The following MBIP variants were observed in gnomAD, a reference collection of about 807,000 sequenced individuals.
The protein encoded by MBIP is MAP3K12-binding inhibitory protein 1.
Under a neutral mutation model 45.7 loss-of-function variants are expected in MBIP, and 32 were observed. That is an observed-to-expected ratio of 0.70 (90% CI 0.53 to 0.94). The LOEUF (loss-of-function observed/expected upper bound fraction) is 0.94. MBIP is among the 40% of genes least tolerant of loss of function. MBIP has a pLI of 0.00. For missense variants in MBIP, 381 were observed against 405.5 expected, an observed-to-expected ratio of 0.94 and a Z score of 0.52; for synonymous variants, 145 against 141.0, an observed-to-expected ratio of 1.03 and a Z score of -0.20.
rs28372966 is a variant in MBIP at position 36,320,607 on chromosome 14, C to CCCACCA, written c.-25_-20dup. On this transcript the variant is annotated 5_prime_UTR_variant, in exon 1 of 9. Transcript: ENST00000416007. ...CAGCCATGATATCTTCTCAGGCCGC[C>CCCACCA]CCACCACCACCACCACCAAGATTTG... 57 of 1,549,024 alleles carry CCCACCA rather than the reference C, an allele frequency of 3.7e-5. 1 individual carries two copies. The highest frequency in any genetic ancestry group is 2.5e-4 in the South Asian group (21 of 85,036).
At chr14:36,305,882 T>G (rs1879844102) in intron 7 of MBIP, among the ~76,000 whole-genome samples, 1 of 152,182 alleles carries the variant, frequency 6.6e-6, no homozygotes, top group South Asian at 2.1e-4. Context: ...TTTGTCCATT[T>G]TTTTTCCTAC....
rs758055987 is a variant in MBIP at position 36,314,533 on chromosome 14, T to C, written c.550A>G (p.Asn184Asp). The C allele has an allele frequency of 6.2e-7, 1 of 1,609,722 alleles. No homozygotes were observed. The highest frequency in any genetic ancestry group is 8.5e-7 in the Non-Finnish European group (1 of 1,178,250). The change falls in exon 4 of 9, where the codon AAT becomes GAT. Residue 184 changes from asparagine (N) to aspartate (D), a missense_variant. By Grantham distance (23) the Asn-to-Asp change is conservative. Coordinates refer to ENST00000416007, the MANE Select transcript of MBIP (RefSeq NM_016586.3). ...INENNVREFCNVIDCNQENSC... is the reference protein window; with the variant it reads ...INENNVREFCDVIDCNQENSC... ...TTACCTTGATTACAATCAATAACAT[T>C]GCAAAATTCCCTGACGTTGTTTTCA...
At chr14:36,317,236 A>G (rs1379716112) in intron 1 of MBIP, among the ~76,000 whole-genome samples, 1 of 152,172 alleles carries the variant, frequency 6.6e-6, no homozygotes, top group African/African-American at 2.4e-5. Context: ...GAAAGTTTTA[A>G]CATGCATCTT....
Position 36,316,743 on chromosome 14 carries a change from G to A in MBIP, c.199C>T (p.Gln67Ter). 1 of 1,612,864 alleles carries A rather than the reference G, an allele frequency of 6.2e-7. No individual in the cohort carries two copies. Among genetic ancestry groups the A allele is most frequent in the Non-Finnish European group, 8.5e-7 (1 of 1,179,190 alleles). The change falls in exon 2 of 9, where the codon CAG (glutamine) becomes TAG (stop). Residue 67 changes from glutamine to a stop codon, truncating the protein, a stop_gained. Coordinates refer to ENST00000416007, the MANE Select transcript of MBIP (RefSeq NM_016586.3). LOFTEE classifies it high-confidence loss of function. ...AGTGCACTAAAGAGCAATGCAGGCTGGAATGCCGAGAGGCTCTGGAGCTTG... is the reference window on the plus strand; with the variant it reads ...AGTGCACTAAAGAGCAATGCAGGCTAGAATGCCGAGAGGCTCTGGAGCTTG... ...WNKLQSLSAF[Q>*]PALLFSALEQ...
At chr14:36,308,052 A>G (rs757677782) in intron 7 of MBIP, 40 bp downstream of exon 7, 18 of 1,102,926 alleles carry the variant, frequency 1.6e-5, no homozygotes, top group Middle Eastern at 2.0e-4. Flanking sequence ...CCAGAATACA[A>G]TAACATTTTC....
In MBIP at chr14:36,316,954, C is replaced by G. The variant is rs1173431078; in HGVS notation, c.130-142G>C. The G allele has an allele frequency of 2.7e-5, 21 of 763,914 alleles. No homozygotes were observed. In the South Asian group the frequency reaches 5.1e-4, roughly 19 times the overall value. The allele number at this position is 763,914 out of a possible 1,614,324, so 47.3% of individuals were successfully genotyped here. A position where few individuals can be genotyped will look rare whatever the true frequency, so the allele number is the denominator to read the frequency against. ...GTTTTTAATAATACACTGAAATGCT[C>G]TACCCAGTTACCATTTCAAAAGGCC... On this transcript the variant is annotated intron_variant, in intron 1 of 8. Transcript: ENST00000416007.
In MBIP at chr14:36,300,851, T is replaced by A; in HGVS notation, c.889-28A>T. The A allele has an allele frequency of 1.5e-6, 2 of 1,339,376 alleles. 1 individual carries two copies. The highest frequency in any genetic ancestry group is 2.1e-6 in the Non-Finnish European group (2 of 964,932). The allele number at this position is 1,339,376 out of a possible 1,614,324, so 83.0% of individuals were successfully genotyped here. On this transcript the variant is annotated intron_variant, in intron 7 of 8. Transcript: ENST00000416007. ...AGATTAAAAAAAAAAAGGTAATGTT[T>A]AGAAAAATCTAAGCATCATTTTTTT...
intron 4 of MBIP, chr14:36,313,289 C>T (rs1282806250): frequency 2.6e-5 from 4 of 152,032 alleles, no homozygotes; most frequent in African/African-American, 9.7e-5. Context: ...GATTAACTGA[C>T]CATCAGTGAG....
At chr14:36,319,777 G>A (rs1880779031) in intron 1 of MBIP, 2 of 178,796 alleles carry the variant, frequency 1.1e-5, no homozygotes. Flanking sequence ...ACAGTGACTT[G>A]ATCGAAGAAG....
At chr14:36,316,053 A>G (rs913040376) in intron 2 of MBIP, among the ~76,000 whole-genome samples, 1 of 152,162 alleles carries the variant, frequency 6.6e-6, no homozygotes, top group Non-Finnish European at 1.5e-5. Context: ...GCAAGGTCAT[A>G]ATACTGTTCA....
At chr14:36,307,292 C>G (rs1244050758) in intron 7 of MBIP, among the ~76,000 whole-genome samples, 1 of 152,068 alleles carries the variant, frequency 6.6e-6, no homozygotes, top group Non-Finnish European at 1.5e-5. Flanking sequence ...TATATTTTCA[C>G]CACTAACTTA....
At chr14:36,302,764 G>A (rs897321844) in intron 7 of MBIP, among the ~76,000 whole-genome samples, 1 of 152,142 alleles carries the variant, frequency 6.6e-6, no homozygotes, top group Non-Finnish European at 1.5e-5. Context: ...GGATACACTA[G>A]ATTAACTTTA....
At chr14:36,311,919 CT>C in intron 5 of MBIP, 39 bp downstream of exon 5, 1 of 1,447,004 alleles carries the variant, frequency 6.9e-7, no homozygotes. Context: ...ATAATCTAGA[CT>C]TCTGTCAGTG....
chr14:36,306,312 T>A (rs1879875577), intron 7 of MBIP, among the ~76,000 whole-genome samples: 1 of 152,178 alleles, frequency 6.6e-6, no homozygotes, highest in Non-Finnish European at 1.5e-5. Context: ...TGGAGTGCAA[T>A]GGCGTGATCT....
chr14:36,300,288 A>G (rs970752931), intron 8 of MBIP, among the ~76,000 whole-genome samples: 4 of 152,220 alleles, frequency 2.6e-5, no homozygotes, highest in Non-Finnish European at 5.9e-5. Flanking sequence ...AGAAAAAAAT[A>G]TGCTACTCTT....
At chr14:36,304,131 T>C (rs1265816860) in intron 7 of MBIP, among the ~76,000 whole-genome samples, 7 of 152,196 alleles carry the variant, frequency 4.6e-5, no homozygotes, top group Non-Finnish European at 7.3e-5. Context: ...CACCACACGT[T>C]CACACGCACA....
At chr14:36,299,557 A>G (rs1337174118) in intron 8 of MBIP, among the ~76,000 whole-genome samples, 1 of 151,844 alleles carries the variant, frequency 6.6e-6, no homozygotes, top group Non-Finnish European at 1.5e-5. Flanking sequence ...TATTATGCTG[A>G]TTGCCTGGGT....
In MBIP at chr14:36,320,591, T is replaced by C. The variant is rs369639022; in HGVS notation, c.-3A>G. The stretch of plus-strand genomic sequence containing the variant: ...TTAAGCTCCGTGGCAGCAGCCATGA[T>C]ATCTTCTCAGGCCGCCCCACCACCA... On this transcript the variant is annotated 5_prime_UTR_variant, in exon 1 of 9. The change creates a new upstream start codon in the 5' untranslated region. Transcript: ENST00000416007. 7.5e-6 allele frequency: 12 copies of C among 1,603,628 alleles called. No individual in the cohort carries two copies. In the Admixed American group the frequency reaches 1.0e-4, roughly 14 times the overall value.
chr14:36,312,382 C>A (rs1880264673), intron 4 of MBIP, among the ~76,000 whole-genome samples: 1 of 152,104 alleles, frequency 6.6e-6, no homozygotes, highest in East Asian at 1.9e-4. Context: ...AAATAAAACT[C>A]ATCATTTTTA....
Sources: allele counts gnomAD v4.1 joint callset (sites outside exome capture counted in the v4.1 genomes callset), GRCh38; gene constraint gnomAD v4.1.1; transcripts MANE v1.5; gene names NCBI Gene and HGNC (gene_info 2026-07-23, HGNC 2026-07-21).